EXOC6: variants seen among roughly 807,000 people sequenced by gnomAD.
The protein encoded by EXOC6 is exocyst complex component 6, also known as SEC15-like 1.
A neutral mutation model predicts 112.5 loss-of-function variants in EXOC6; 60 were observed. The ratio of observed to expected loss-of-function variants is 0.53; its 90% CI spans 0.43 to 0.66. The LOEUF (loss-of-function observed/expected upper bound fraction) is 0.66, where lower values mean the gene tolerates loss of function less well. Among genes scored for constraint, EXOC6 ranks in the 30% least tolerant of loss-of-function variants. EXOC6 has a pLI of 0.00. For missense variants in EXOC6, 855 were observed against 957.1 expected, an observed-to-expected ratio of 0.89 and a Z score of 1.41; for synonymous variants, 295 against 308.0, an observed-to-expected ratio of 0.96 and a Z score of 0.44.
chr10:92,881,194 A>G (rs1848944251), intron 1 of EXOC6, among the ~76,000 whole-genome samples: 1 of 152,076 alleles, frequency 6.6e-6, no homozygotes, highest in Admixed American at 6.6e-5. Flanking sequence ...CATTTTTAGG[A>G]TAGTCAGATT....
intron 8 of EXOC6, among the ~76,000 whole-genome samples, chr10:92,927,019 T>A (rs1851761847): frequency 6.6e-6 from 1 of 152,344 alleles, no homozygotes; most frequent in Admixed American, 6.5e-5. Flanking sequence ...TTATTTTAAT[T>A]GTTTGCGTAT....
At chr10:92,884,584 A>G (rs1210598922) in intron 1 of EXOC6, among the ~76,000 whole-genome samples, 1 of 152,250 alleles carries the variant, frequency 6.6e-6, no homozygotes, top group Non-Finnish European at 1.5e-5. Flanking sequence ...AAGAAACAAT[A>G]CTATTCTAGC....
chr10:92,958,445 C>G (rs1388433390), intron 17 of EXOC6, among the ~76,000 whole-genome samples: 1 of 152,158 alleles, frequency 6.6e-6, no homozygotes, highest in Non-Finnish European at 1.5e-5. Flanking sequence ...CTGTAAATGC[C>G]TAGAAGAAAT....
rs1844383909 is a variant in EXOC6 at position 93,014,074 on chromosome 10, T to A, written c.2096-120T>A. The A allele has an allele frequency of 7.0e-6, 5 of 719,104 alleles. No individual in the cohort carries two copies. In the South Asian group the frequency reaches 1.1e-4, roughly 16 times the overall value. The allele number at this position is 719,104 out of a possible 1,614,324, so 44.5% of individuals were successfully genotyped here. A position where few individuals can be genotyped will look rare whatever the true frequency, so the allele number is the denominator to read the frequency against. ...TTGAAGTTTATAAATAATCTTCATT[T>A]GAAATGATTATGTGTAAATATTATA... On this transcript the variant is annotated intron_variant, in intron 19 of 21. Coordinates refer to ENST00000260762, the MANE Select transcript of EXOC6 (RefSeq NM_019053.6).
chr10:93,051,093 T>G (rs1374693544), intron 20 of EXOC6, among the ~76,000 whole-genome samples: 1 of 151,404 alleles, frequency 6.6e-6, no homozygotes, highest in Non-Finnish European at 1.5e-5. Context: ...AAAATCAAAA[T>G]AAAGCAAATA....
At chr10:92,838,292 C>A (rs766103601) in intron 1 of EXOC6, among the ~76,000 whole-genome samples, 4 of 152,192 alleles carry the variant, frequency 2.6e-5, no homozygotes, top group Non-Finnish European at 5.9e-5. Context: ...TTTCACCCCA[C>A]CAGGCTGTGT....
intron 20 of EXOC6, among the ~76,000 whole-genome samples, chr10:93,049,924 GT>G (rs1362867914): frequency 6.6e-6 from 1 of 152,082 alleles, no homozygotes; most frequent in Admixed American, 6.6e-5. Context: ...TGGCTATGGG[GT>G]TTCTTTCAGG....
chr10:92,958,141 T>C (rs887236350), intron 17 of EXOC6, among the ~76,000 whole-genome samples: 11 of 152,202 alleles, frequency 7.2e-5, no homozygotes, highest in African/African-American at 2.7e-4. Context: ...GTAAGTGATA[T>C]AAAAGAGGTT....
chr10:92,932,470 T>C (rs1031425006), intron 9 of EXOC6, among the ~76,000 whole-genome samples: 1 of 152,180 alleles, frequency 6.6e-6, no homozygotes, highest in African/African-American at 2.4e-5. Flanking sequence ...TAAACTTAAC[T>C]TTAGAAACAA....
At chr10:92,863,715 A>T (rs763144449) in intron 1 of EXOC6, among the ~76,000 whole-genome samples, 40 of 152,204 alleles carry the variant, frequency 2.6e-4, no homozygotes, top group Non-Finnish European at 4.7e-4. Flanking sequence ...GATCGAGACC[A>T]TCCTGGCTAA....
intron 14 of EXOC6, among the ~76,000 whole-genome samples, chr10:92,951,788 G>A (rs920611369): frequency 1.3e-5 from 2 of 152,188 alleles, no homozygotes; most frequent in Non-Finnish European, 2.9e-5. Flanking sequence ...CTGCTATAAG[G>A]TATTCTAGGA....
At chr10:92,881,785 G>A (rs895133792) in intron 1 of EXOC6, among the ~76,000 whole-genome samples, 1 of 151,960 alleles carries the variant, frequency 6.6e-6, no homozygotes, top group Non-Finnish European at 1.5e-5. Flanking sequence ...CATGGGGGTG[G>A]TTTCTCCCAT....
At chr10:92,878,021 G>A (rs1462697183) in intron 1 of EXOC6, 2 of 154,992 alleles carry the variant, frequency 1.3e-5, no homozygotes, top group East Asian at 1.9e-4. Context: ...ATTTCTTCTT[G>A]TTGGATAATT....
intron 8 of EXOC6, 139 bp from the exon 9 acceptor site, chr10:92,928,200 T>C: frequency 1.9e-6 from 1 of 513,122 alleles, no homozygotes. Context: ...AACTTATTCT[T>C]GACATTCTGT....
chr10:92,896,176 TATATA>T (rs1346785138), intron 4 of EXOC6, among the ~76,000 whole-genome samples: 175 of 18,112 alleles, frequency 9.7e-3, no homozygotes, highest in Middle Eastern at 0.017. Flanking sequence ...TATATATATA[TATATA>T]TTTTTTTTTT....
intron 1 of EXOC6, among the ~76,000 whole-genome samples, chr10:92,868,517 A>G (rs7906224): frequency 0.41 from 62,587 of 151,798 alleles, 13,530 homozygotes; most frequent in African/African-American, 0.52. Context: ...TATCTTTTTC[A>G]GGGATTTCCT....
intron 17 of EXOC6, among the ~76,000 whole-genome samples, chr10:92,959,426 A>T (rs1212433475): frequency 6.6e-6 from 1 of 152,194 alleles, no homozygotes; most frequent in Non-Finnish European, 1.5e-5. Flanking sequence ...GAAAATCTAG[A>T]TGACCTTGGG....
intron 1 of EXOC6, among the ~76,000 whole-genome samples, chr10:92,852,540 A>G (rs186181615): frequency 6.6e-6 from 1 of 152,238 alleles, no homozygotes; most frequent in Admixed American, 6.5e-5. Context: ...TATATTCTGT[A>G]TATGTATATA....
Position 92,984,153 on chromosome 10 carries a change from T to TG in EXOC6, c.1953+9925dup, listed in dbSNP as rs1322909453. On this transcript the variant is annotated intron_variant, in intron 18 of 21. Transcript: ENST00000260762. ...TGCATTTTTTGTTTTCCTTTCATTTTGGGGTCCAGTATCCAAGTTCTGGGC... is the reference window on the plus strand; with the variant it reads ...TGCATTTTTTGTTTTCCTTTCATTTTGGGGGTCCAGTATCCAAGTTCTGGGC... Among the ~76,000 whole-genome samples the TG allele has an allele frequency of 2.0e-5, 3 of 152,318 alleles. No individual in the cohort carries two copies. The East Asian group carries it at 5.8e-4, about 29-fold the overall frequency.
Sources: allele counts gnomAD v4.1 joint callset (sites outside exome capture counted in the v4.1 genomes callset), GRCh38; gene constraint gnomAD v4.1.1; transcripts MANE v1.5; gene names NCBI Gene and HGNC (gene_info 2026-07-23, HGNC 2026-07-21).